The following ZMYM4 variants were observed in gnomAD, a reference collection of about 807,000 sequenced individuals.
ZMYM4 encodes the protein zinc finger MYM-type protein 4.
In ZMYM4, 31 loss-of-function variants were observed where a neutral mutation model predicts 183.2. The observed-to-expected ratio is 0.17, with a 90% CI of 0.13 to 0.23. The LOEUF is 0.23. Ranked by LOEUF, ZMYM4 falls within the 10% of genes least tolerant of loss-of-function variation. ZMYM4 has a pLI of 1.00. For synonymous variants in ZMYM4, 592 were observed against 631.2 expected (o/e 0.94, Z 0.93); for missense variants, 1,273 against 1,840.3 (o/e 0.69, Z 5.64).
intron 5 of ZMYM4, among the ~76,000 whole-genome samples, chr1:35,367,081 A>G (rs1437166544): frequency 1.3e-5 from 2 of 152,110 alleles, no homozygotes; most frequent in African/African-American, 4.8e-5. Flanking sequence ...GAAAATATCA[A>G]TGGTTAGGTT....
At chr1:35,380,465 C>CTA (rs1258492183) in intron 7 of ZMYM4, among the ~76,000 whole-genome samples, 1 of 152,086 alleles carries the variant, frequency 6.6e-6, no homozygotes, top group African/African-American at 2.4e-5. Context: ...GTAGCTGGGA[C>CTA]TACAGGCACA....
intron 2 of ZMYM4, among the ~76,000 whole-genome samples, chr1:35,353,592 A>C (rs1643708403): frequency 6.6e-6 from 1 of 152,158 alleles, no homozygotes; most frequent in African/African-American, 2.4e-5. Flanking sequence ...AAAGCCAGAA[A>C]TCTTCCATGA....
At chr1:35,278,495 G>C (rs931451230) in intron 1 of ZMYM4, among the ~76,000 whole-genome samples, 1 of 147,204 alleles carries the variant, frequency 6.8e-6, no homozygotes, top group Admixed American at 6.9e-5. Context: ...GCAGAATCTT[G>C]GCTCACTGCA....
At chr1:35,399,198 G>A (rs1644859399) in intron 22 of ZMYM4, among the ~76,000 whole-genome samples, 155 bp downstream of exon 22, 1 of 152,210 alleles carries the variant, frequency 6.6e-6, no homozygotes, top group African/African-American at 2.4e-5. Context: ...CCCTGGCTTT[G>A]TAGGTGTTAA....
intron 26 of ZMYM4, among the ~76,000 whole-genome samples, chr1:35,410,803 T>C (rs1570550334): frequency 6.6e-6 from 1 of 151,976 alleles, no homozygotes. Context: ...TTTTTTTTAT[T>C]TTAATGAAGT....
At chr1:35,378,086 A>G (rs1406301481) in intron 7 of ZMYM4, among the ~76,000 whole-genome samples, 2 of 152,228 alleles carry the variant, frequency 1.3e-5, no homozygotes, top group Admixed American at 1.3e-4. Context: ...CATCCATTGG[A>G]AGCAACTCCT....
intron 2 of ZMYM4, among the ~76,000 whole-genome samples, chr1:35,329,458 C>T (rs1038020509): frequency 6.6e-5 from 10 of 152,276 alleles, no homozygotes; most frequent in Middle Eastern, 6.8e-3. Context: ...ATAGTTGCTT[C>T]CTTAAGTCAA....
At chr1:35,404,571 C>T (rs1363562720) in intron 23 of ZMYM4, among the ~76,000 whole-genome samples, 1 of 152,042 alleles carries the variant, frequency 6.6e-6, no homozygotes, top group East Asian at 1.9e-4. Flanking sequence ...ACCCATAGAG[C>T]TGTTTAATTT....
chr1:35,416,913 T>C (rs1020108060), intron 28 of ZMYM4, among the ~76,000 whole-genome samples: 2 of 152,178 alleles, frequency 1.3e-5, no homozygotes, highest in Non-Finnish European at 2.9e-5. Flanking sequence ...AATGTTTCCC[T>C]GTTTGCTGAT....
At chr1:35,386,674 A>C (rs1454737949) in intron 11 of ZMYM4, among the ~76,000 whole-genome samples, 4 of 152,192 alleles carry the variant, frequency 2.6e-5, no homozygotes, top group Admixed American at 1.3e-4. Flanking sequence ...AAGTTTCTAT[A>C]TCATTCCTAT....
At chr1:35,325,433 A>G in intron 2 of ZMYM4, 28 bp downstream of exon 2, 2 of 1,586,922 alleles carry the variant, frequency 1.3e-6, no homozygotes, top group Non-Finnish European at 1.7e-6. Context: ...AAAAACAATC[A>G]TGTCTTTAGA....
At chr1:35,269,649 T>A (rs1639497389) in intron 1 of ZMYM4, among the ~76,000 whole-genome samples, 1 of 152,190 alleles carries the variant, frequency 6.6e-6, no homozygotes, top group South Asian at 2.1e-4. Context: ...GAGAAAGATT[T>A]TGGCTACTAT....
At chr1:35,392,574 T>G in intron 16 of ZMYM4, 73 bp from the exon 17 acceptor site, 1 of 1,419,848 alleles carries the variant, frequency 7.0e-7, no homozygotes, top group Admixed American at 2.1e-5. Context: ...GTTTATGTAC[T>G]GATAATCAGC....
At chr1:35,360,229 A>G (rs1404946625) in intron 3 of ZMYM4, among the ~76,000 whole-genome samples, 2 of 152,040 alleles carry the variant, frequency 1.3e-5, no homozygotes, top group African/African-American at 4.8e-5. Context: ...CTCATTATTT[A>G]TAGTACTTAT....
intron 6 of ZMYM4, 115 bp from the exon 7 acceptor site, chr1:35,370,257 G>A (rs921175586): frequency 1.4e-6 from 2 of 1,445,842 alleles, no homozygotes; most frequent in African/African-American, 2.9e-5. Context: ...TTACTGTTGG[G>A]TTTCAAGACT....
At chr1:35,404,943 C>G (rs952079827) in intron 23 of ZMYM4, 80 bp from the exon 24 acceptor site, 2 of 1,385,174 alleles carry the variant, frequency 1.4e-6, no homozygotes, top group East Asian at 2.3e-5. Context: ...AAATGTATAC[C>G]CTTTCCAGCT....
chr1:35,290,477 C>T (rs1316027783), intron 1 of ZMYM4, among the ~76,000 whole-genome samples: 3 of 152,100 alleles, frequency 2.0e-5, no homozygotes, highest in Non-Finnish European at 4.4e-5. Flanking sequence ...GCTCTGTCAC[C>T]CAGGCTGGGG....
At chr1:35,379,639 A>G (rs1644409558) in intron 7 of ZMYM4, among the ~76,000 whole-genome samples, 1 of 152,236 alleles carries the variant, frequency 6.6e-6, no homozygotes, top group African/African-American at 2.4e-5. Context: ...GTTTGGCGCA[A>G]GAGGCCTAGC....
At chr1:35,336,579 A>G (rs1387149284) in intron 2 of ZMYM4, among the ~76,000 whole-genome samples, 1 of 151,670 alleles carries the variant, frequency 6.6e-6, no homozygotes, top group Non-Finnish European at 1.5e-5. Context: ...ATAATTTTGT[A>G]TTTTTAGTAG....
Sources: allele counts gnomAD v4.1 joint callset (sites outside exome capture counted in the v4.1 genomes callset), GRCh38; gene constraint gnomAD v4.1.1; transcripts MANE v1.5; gene names NCBI Gene and HGNC (gene_info 2026-07-23, HGNC 2026-07-21).